FOXP2: variants seen among roughly 807,000 people sequenced by gnomAD.
FOXP2 encodes forkhead box protein P2.
Under a neutral mutation model 115.8 loss-of-function variants are expected in FOXP2, and 12 were observed. The observed-to-expected ratio is 0.10, with a 90% confidence interval of 0.07 to 0.17. FOXP2 has a LOEUF of 0.17. FOXP2 is among the 10% of genes least tolerant of loss of function. The pLI, the probability that FOXP2 is intolerant of heterozygous loss-of-function variation, is 1.00. For synonymous variants in FOXP2, 328 were observed against 297.7 expected (o/e 1.10, Z -1.05); for missense variants, 629 against 843.5 (o/e 0.75, Z 3.15).
chr7:114,192,293 T>A (rs930418844), intron 1 of FOXP2, among the ~76,000 whole-genome samples: 2 of 152,260 alleles, frequency 1.3e-5, no homozygotes, highest in African/African-American at 4.8e-5. Flanking sequence ...CCTCTCCTTG[T>A]CTTTTTATGG....
In FOXP2 at chr7:114,644,920, T is replaced by G. The variant is rs898533167; in HGVS notation, c.1094+131T>G. The G allele has an allele frequency of 4.3e-6, 3 of 698,082 alleles. No individual in the cohort carries two copies. In the African/African-American group the frequency reaches 5.4e-5, roughly 13 times the overall value. 43.2% of individuals were successfully genotyped at this position (698,082 alleles called of 1,614,324 possible). On this transcript the variant is annotated intron_variant, in intron 8 of 16. Transcript: ENST00000350908. ...TATAAGTCATACTTCAAGATTTTTG[T>G]GGGTTCCAACAAGTGGATTAGTAAG...
At position 114,358,974 on chromosome 7, in the gene FOXP2, A is replaced by G. The variant is rs1379455209; in HGVS notation, c.-10-67528A>G. Among the ~76,000 whole-genome samples, 5 of 152,212 alleles carry G rather than the reference A, an allele frequency of 3.3e-5. No individual in the cohort carries two copies. The East Asian group carries it at 9.6e-4, about 29-fold the overall frequency. ...GGCTGCAAAAATTTCTGTAAGTAAC[A>G]AGGAACCAAATGTTAATCACCAAGA... On this transcript the variant is annotated intron_variant, in intron 2 of 17. Coordinates refer to the FOXP2 transcript ENST00000634411.
chr7:114,452,702 G>T (rs183130639), intron 2 of FOXP2, among the ~76,000 whole-genome samples: 2 of 152,048 alleles, frequency 1.3e-5, no homozygotes, highest in Non-Finnish European at 2.9e-5. Flanking sequence ...GTGGTGTGCA[G>T]CATCAAGATG....
At chr7:114,603,968 A>G (rs950074448) in intron 3 of FOXP2, among the ~76,000 whole-genome samples, 4 of 152,224 alleles carry the variant, frequency 2.6e-5, no homozygotes, top group Non-Finnish European at 5.9e-5. Flanking sequence ...TATGCCAGAG[A>G]TTCAAGGATA....
intron 3 of FOXP2, among the ~76,000 whole-genome samples, chr7:114,556,135 G>GT (rs1800441952): frequency 6.6e-6 from 1 of 152,188 alleles, no homozygotes; most frequent in Non-Finnish European, 1.5e-5. Flanking sequence ...ATGGTAAGAA[G>GT]TTTTTTGCTG....
intron 1 of FOXP2, among the ~76,000 whole-genome samples, chr7:114,119,318 T>A (rs966675139): frequency 1.3e-5 from 2 of 152,154 alleles, no homozygotes; most frequent in Admixed American, 1.3e-4. Context: ...TCTGGCAGAA[T>A]GTTTTGTTAT....
At chr7:114,493,030 T>C (rs1271865173) in intron 2 of FOXP2, among the ~76,000 whole-genome samples, 1 of 152,148 alleles carries the variant, frequency 6.6e-6, no homozygotes, top group African/African-American at 2.4e-5. Flanking sequence ...CCCATTATTA[T>C]TGTGTAGGAG....
At chr7:114,457,242 T>C (rs1258431970) in intron 2 of FOXP2, among the ~76,000 whole-genome samples, 1 of 152,162 alleles carries the variant, frequency 6.6e-6, no homozygotes, top group African/African-American at 2.4e-5. Flanking sequence ...TTTCACTGTA[T>C]ATAAGTATAT....
chr7:114,561,582 T>C (rs1220617811), intron 3 of FOXP2: 2 of 152,240 alleles, frequency 1.3e-5, no homozygotes, highest in Non-Finnish European at 2.9e-5. Flanking sequence ...ATTTTGTAAA[T>C]TTGGATCTTC....
intron 3 of FOXP2, among the ~76,000 whole-genome samples, chr7:114,606,548 A>T (rs1303879144): frequency 6.6e-6 from 1 of 152,148 alleles, no homozygotes; most frequent in Non-Finnish European, 1.5e-5. Context: ...ACTTTATATA[A>T]CTAGTTTTTT....
At chr7:114,410,484 A>C (rs1360978500), upstream of FOXP2, among the ~76,000 whole-genome samples, 1 of 152,102 alleles carries the variant, frequency 6.6e-6, no homozygotes, top group Non-Finnish European at 1.5e-5. Context: ...AGGTAATATT[A>C]TCTGCTTTTC....
At chr7:114,423,426 A>C (rs117042212) in intron 1 of FOXP2, among the ~76,000 whole-genome samples, 8,482 of 151,718 alleles carry the variant, frequency 0.056, 338 homozygotes, top group Middle Eastern at 0.11. Context: ...AGAAAAGTCT[A>C]ACTGTATCGT....
intron 1 of FOXP2, among the ~76,000 whole-genome samples, chr7:114,108,590 T>C (rs1220299995): frequency 6.6e-6 from 1 of 151,960 alleles, no homozygotes; most frequent in African/African-American, 2.4e-5. Context: ...ATGGGGATTA[T>C]TTACATGTAT....
intron 1 of FOXP2, among the ~76,000 whole-genome samples, chr7:114,127,840 C>T (rs6948447): frequency 0.027 from 4,096 of 152,196 alleles, 109 homozygotes; most frequent in African/African-American, 0.072. Context: ...CTTTTCTTCT[C>T]CCAGAATATT....
At chr7:114,145,610 C>T (rs1323682678) in intron 1 of FOXP2, among the ~76,000 whole-genome samples, 2 of 151,842 alleles carry the variant, frequency 1.3e-5, no homozygotes, top group Non-Finnish European at 2.9e-5. Flanking sequence ...GCCTCAGCCT[C>T]CCGAGTAGCT....
At chr7:114,219,587 T>C (rs1288451444) in intron 1 of FOXP2, among the ~76,000 whole-genome samples, 2 of 152,216 alleles carry the variant, frequency 1.3e-5, no homozygotes, top group Non-Finnish European at 2.9e-5. Flanking sequence ...ATTTTGTGAA[T>C]ATAGTTTTAA....
chr7:114,526,083 G>A (rs1045405260), intron 2 of FOXP2, among the ~76,000 whole-genome samples: 1 of 145,836 alleles, frequency 6.9e-6, no homozygotes, highest in Non-Finnish European at 1.5e-5. Flanking sequence ...TTGCACTCCA[G>A]CCTGGACAAC....
intron 1 of FOXP2, among the ~76,000 whole-genome samples, chr7:114,176,609 G>C (rs1004259947): frequency 1.3e-5 from 2 of 151,122 alleles, no homozygotes; most frequent in African/African-American, 4.9e-5. Flanking sequence ...CCAGAGTGTT[G>C]GGTGTTGGGA....
intron 1 of FOXP2, among the ~76,000 whole-genome samples, chr7:114,104,985 C>T (rs932344490): frequency 7.9e-5 from 12 of 151,950 alleles, no homozygotes; most frequent in African/African-American, 1.7e-4. Context: ...CTCCCATGGA[C>T]GTCTGATCTG....
Sources: gnomAD v4.1 joint callset for allele counts (sites outside exome capture counted in the v4.1 genomes callset) on GRCh38, gnomAD v4.1.1 for gene constraint, MANE v1.5 for transcripts, NCBI Gene and HGNC (gene_info 2026-07-23, HGNC 2026-07-21) for gene names.